SETDB2: variants seen among roughly 807,000 people sequenced by gnomAD.
SETDB2 encodes SET domain bifurcated histone lysine methyltransferase 2, also known as histone-lysine N-methyltransferase SETDB2.
A neutral mutation model predicts 82.5 loss-of-function variants in SETDB2; 56 were observed. The ratio of observed to expected loss-of-function variants is 0.68; its 90% CI spans 0.55 to 0.85. The LOEUF (loss-of-function observed/expected upper bound fraction) is 0.85, where lower values mean the gene tolerates loss of function less well. SETDB2 is among the 40% of genes least tolerant of loss of function. SETDB2 has a pLI of 0.00. For missense variants in SETDB2, 677 were observed against 816.4 expected (o/e 0.83, Z 2.08); for synonymous variants, 272 against 284.9 (o/e 0.95, Z 0.46).
At chr13:49,463,146 C>T (rs996027554) in intron 4 of SETDB2, among the ~76,000 whole-genome samples, 2 of 150,174 alleles carry the variant, frequency 1.3e-5, no homozygotes, top group African/African-American at 4.9e-5. Context: ...GCTGGGACTA[C>T]GGGCGCATGC....
At chr13:49,481,313 G>A (rs1958472195) in intron 8 of SETDB2, among the ~76,000 whole-genome samples, 197 bp downstream of exon 8, 5 of 152,074 alleles carry the variant, frequency 3.3e-5, no homozygotes, top group Admixed American at 3.3e-4. Flanking sequence ...CTTTCTTCAA[G>A]AAAAGAAAGG....
rs1323329964 is a variant in SETDB2 at position 49,493,795 on chromosome 13, T to G, written c.*1946T>G. ...TGCTGTGGAGTCTGAAAATCTGTCTTCTGGCTTCCAGGGTGACTACTGGAA... is the reference window on the plus strand; with the variant it reads ...TGCTGTGGAGTCTGAAAATCTGTCTGCTGGCTTCCAGGGTGACTACTGGAA... On this transcript the variant is annotated 3_prime_UTR_variant, in exon 14 of 14. Transcript: ENST00000611815. 1 of 152,248 alleles carries G rather than the reference T, an allele frequency of 6.6e-6. No individual in the cohort carries two copies. Among genetic ancestry groups the G allele is most frequent in the African/African-American group, 2.4e-5 (1 of 41,450 alleles). 9.4% of individuals were successfully genotyped at this position (152,248 alleles called of 1,614,324 possible).
intron 5 of SETDB2, among the ~76,000 whole-genome samples, chr13:49,475,266 A>G (rs999897705): frequency 1.5e-4 from 23 of 152,136 alleles, no homozygotes; most frequent in African/African-American, 2.9e-4. Flanking sequence ...CCATGATTCA[A>G]TTACCTCCCA....
intron 5 of SETDB2, among the ~76,000 whole-genome samples, chr13:49,468,716 G>T (rs1958169957): frequency 6.6e-6 from 1 of 151,732 alleles, no homozygotes; most frequent in Admixed American, 6.6e-5. Flanking sequence ...GTTGTAGATA[G>T]ACACTGTTTC....
At position 49,491,957 on chromosome 13, in the gene SETDB2, C is replaced by A; in HGVS notation, c.*108C>A. 1.3e-6 allele frequency: 1 copy of A among 795,694 alleles called. No homozygotes were observed. Among genetic ancestry groups the A allele is most frequent in the South Asian group, 1.4e-5 (1 of 72,436 alleles). The allele number at this position is 795,694 out of a possible 1,614,324, so 49.3% of individuals were successfully genotyped here. A position where few individuals can be genotyped will look rare whatever the true frequency, so the allele number is the denominator to read the frequency against. On this transcript the variant is annotated 3_prime_UTR_variant, in exon 14 of 14. Transcript: ENST00000611815. The stretch of plus-strand genomic sequence containing the variant: ...GAAATTCCCCTCCGTTTTCCTTTGT[C>A]ATGGGGTTTATGTTTTATTTCAGAT...
Position 49,480,271 on chromosome 13 carries a change from T to G in SETDB2, c.922T>G (p.Leu308Val). Residue 308 changes from leucine to valine, a missense_variant, in exon 7 of 14, where the codon TTG (leucine) becomes GTG (valine). Physicochemically the swap from Leu to Val is conservative, Grantham distance 32. Transcript: ENST00000611815. ...LTARNAKTSP[L>V]SSDKITTGYK... ...AGCAAGGAATGCCAAAACTTCCCCC[T>G]TGTCAAGTGACAAAATAACCACTGG... 1 of 1,611,860 alleles carries G rather than the reference T, an allele frequency of 6.2e-7. No individual in the cohort carries two copies. Among genetic ancestry groups the G allele is most frequent in the Non-Finnish European group, 8.5e-7 (1 of 1,179,342 alleles).
At chr13:49,491,693 AG>A in intron 13 of SETDB2, 38 bp from the exon 14 acceptor site, 1 of 1,405,556 alleles carries the variant, frequency 7.1e-7, no homozygotes, top group Admixed American at 1.8e-5. Flanking sequence ...GTAGTTATTT[AG>A]GGTATTTTAT....
In SETDB2 at chr13:49,493,251, C is replaced by T. The variant is rs1021912729; in HGVS notation, c.*1402C>T. The T allele has an allele frequency of 1.3e-5, 2 of 152,002 alleles. No homozygotes were observed. Among genetic ancestry groups the T allele is most frequent in the Admixed American group, 6.6e-5 (1 of 15,254 alleles). 9.4% of individuals were successfully genotyped at this position (152,002 alleles called of 1,614,324 possible). A position where few individuals can be genotyped will look rare whatever the true frequency, so the allele number is the denominator to read the frequency against. On this transcript the variant is annotated 3_prime_UTR_variant, in exon 14 of 14. Transcript: ENST00000611815. ...AATCCATTTATTCACCATAGAGACG[C>T]AGGAATTTCAGGCAATGCACTAAAA...
rs142462760 is a variant in SETDB2, at chr13:49,476,626, T to C, written c.456T>C (p.Pro152=). 40 of 1,614,178 alleles carry C rather than the reference T, an allele frequency of 2.5e-5. No homozygotes were observed. The African/African-American group carries it at 4.4e-4, about 18-fold the overall frequency. The change falls in exon 6 of 14, where the codon CCT becomes CCC. Residue 152 remains proline (P), a synonymous_variant. Coordinates refer to ENST00000611815, the MANE Select transcript of SETDB2 (RefSeq NM_001160308.3). ...KMPLNLKGEN[P]LQLPIKCHFQ... ...CACTGAACTTGAAGGGAGAAAACCC[T>C]CTGCAGCTGCCAATCAAATGTCACT... is the stretch of plus-strand genomic sequence containing the variant.
At chr13:49,485,026 G>A (rs1958567786) in intron 10 of SETDB2, among the ~76,000 whole-genome samples, 1 of 152,202 alleles carries the variant, frequency 6.6e-6, no homozygotes, top group Admixed American at 6.5e-5. Context: ...TCAGCAACTT[G>A]CTTAGCATCC....
intron 1 of SETDB2, among the ~76,000 whole-genome samples, chr13:49,447,406 G>A (rs9596108): frequency 0.048 from 7,232 of 152,040 alleles, 256 homozygotes; most frequent in South Asian, 0.13. Flanking sequence ...AAGACTTCCA[G>A]TACAGTATTG....
chr13:49,490,568 AATG>A (rs1471001636), intron 12 of SETDB2, among the ~76,000 whole-genome samples: 3 of 152,224 alleles, frequency 2.0e-5, no homozygotes, highest in African/African-American at 7.2e-5. Flanking sequence ...CATTTATAAT[AATG>A]ATAAATATTG....
At chr13:49,478,045 A>G (rs956648476) in intron 6 of SETDB2, among the ~76,000 whole-genome samples, 1 of 152,140 alleles carries the variant, frequency 6.6e-6, no homozygotes, top group Non-Finnish European at 1.5e-5. Flanking sequence ...AAATTTAGCT[A>G]CCCATACTTG....
chr13:49,466,103 CT>C (rs1958108713), intron 4 of SETDB2, among the ~76,000 whole-genome samples: 1 of 152,164 alleles, frequency 6.6e-6, no homozygotes, highest in African/African-American at 2.4e-5. Flanking sequence ...ACAAGGGTCT[CT>C]TTCTCCATAT....
At chr13:49,470,802 G>T (rs754830804) in intron 5 of SETDB2, among the ~76,000 whole-genome samples, 1 of 152,096 alleles carries the variant, frequency 6.6e-6, no homozygotes, top group Non-Finnish European at 1.5e-5. Flanking sequence ...CCATGATCGC[G>T]CCTCCGCACT....
At chr13:49,483,752 C>T (rs578087998) in intron 10 of SETDB2, among the ~76,000 whole-genome samples, 189 bp downstream of exon 10, 1 of 150,648 alleles carries the variant, frequency 6.6e-6, no homozygotes, top group Non-Finnish European at 1.5e-5. Context: ...CTCAGCCTCC[C>T]GAATGGCTGG....
intron 5 of SETDB2, among the ~76,000 whole-genome samples, chr13:49,472,687 T>C (rs1403505325): frequency 6.6e-6 from 1 of 152,224 alleles, no homozygotes; most frequent in Non-Finnish European, 1.5e-5. Context: ...AGTTGGGTTT[T>C]TTCCTTCTCT....
At chr13:49,470,895 G>T (rs1397945538) in intron 5 of SETDB2, among the ~76,000 whole-genome samples, 1 of 151,812 alleles carries the variant, frequency 6.6e-6, no homozygotes, top group Non-Finnish European at 1.5e-5. Context: ...TGAAATCTTG[G>T]GTCTAATAGG....
In SETDB2 at chr13:49,444,376, T is replaced by A. The variant is rs937225636; in HGVS notation, c.-823T>A. 7.3e-5 allele frequency: 15 copies of A among 204,588 alleles called. No homozygotes were observed. The highest frequency in any genetic ancestry group is 2.1e-4 in the Admixed American group (4 of 18,716). 12.7% of individuals were successfully genotyped at this position (204,588 alleles called of 1,614,324 possible). A position where few individuals can be genotyped will look rare whatever the true frequency, so the allele number is the denominator to read the frequency against. ...AAGTACTTCCCGGCCAGAGGGCACCTGCGCTCGGGAGGTTTGGGCGGCTTG... is the reference window on the plus strand; with the variant it reads ...AAGTACTTCCCGGCCAGAGGGCACCAGCGCTCGGGAGGTTTGGGCGGCTTG... On this transcript the variant is annotated 5_prime_UTR_variant, in exon 1 of 14. Coordinates refer to ENST00000611815, the MANE Select transcript of SETDB2 (RefSeq NM_001160308.3).
Sources: gnomAD v4.1 joint callset for allele counts (sites outside exome capture counted in the v4.1 genomes callset) on GRCh38, gnomAD v4.1.1 for gene constraint, MANE v1.5 for transcripts, NCBI Gene and HGNC (gene_info 2026-07-23, HGNC 2026-07-21) for gene names.